The following HOOK1 variants were observed in gnomAD, a reference collection of about 807,000 sequenced individuals.
The protein encoded by HOOK1 is hook microtubule tethering protein 1, also known as protein Hook homolog 1.
Under a neutral mutation model 112.8 loss-of-function variants are expected in HOOK1, and 60 were observed. The observed-to-expected ratio is 0.53, with a 90% confidence interval of 0.43 to 0.66. The LOEUF is 0.66. HOOK1 is among the 30% of genes least tolerant of loss of function. The pLI is 0.00. For missense variants in HOOK1, 770 were observed against 856.0 expected, an observed-to-expected ratio of 0.90 and a Z score of 1.25; for synonymous variants, 294 against 283.8, an observed-to-expected ratio of 1.04 and a Z score of -0.36.
chr1:59,815,092 C>G lies in HOOK1; in HGVS notation c.-26C>G. ...GTAGGAGGGAGTGTGAAGGTGTCCG[C>G]GGCGTCGTCGACGGCGGCGCCGGCC... On this transcript the variant is annotated 5_prime_UTR_variant, in exon 1 of 22. Coordinates refer to ENST00000371208, the MANE Select transcript of HOOK1 (RefSeq NM_015888.6). 6.5e-7 allele frequency: 1 copy of G among 1,537,570 alleles called. No homozygotes were observed. Among genetic ancestry groups the G allele is most frequent in the Non-Finnish European group, 8.7e-7 (1 of 1,145,760 alleles).
intron 4 of HOOK1, 146 bp downstream of exon 4, chr1:59,832,359 A>G: frequency 1.7e-6 from 1 of 583,056 alleles, no homozygotes; most frequent in Non-Finnish European, 3.0e-6. Flanking sequence ...TTTTTATAGA[A>G]TGCTCATTTG....
At chr1:59,864,084 G>A (rs951768328) in intron 16 of HOOK1, among the ~76,000 whole-genome samples, 2 of 151,810 alleles carry the variant, frequency 1.3e-5, no homozygotes, top group African/African-American at 2.4e-5. Context: ...GCAATTTAAA[G>A]TACTGTTTTT....
chr1:59,862,687 A>T (rs902540571), intron 15 of HOOK1, 97 bp from the exon 16 acceptor site: 24 of 698,710 alleles, frequency 3.4e-5, no homozygotes, highest in Non-Finnish European at 5.8e-5. Context: ...CTATAAAAAT[A>T]TTTTTTACTT....
At chr1:59,835,139 A>G (rs1478297138) in intron 5 of HOOK1, among the ~76,000 whole-genome samples, 1 of 152,176 alleles carries the variant, frequency 6.6e-6, no homozygotes, top group Non-Finnish European at 1.5e-5. Flanking sequence ...GACTGCAACA[A>G]TCTCAATCTT....
At chr1:59,868,191 T>C (rs2102075023) in intron 19 of HOOK1, 59 bp from the exon 20 acceptor site, 1 of 904,972 alleles carries the variant, frequency 1.1e-6, no homozygotes, top group East Asian at 2.7e-5. Context: ...TAAGATATGT[T>C]CTATATGTTT....
intron 2 of HOOK1, among the ~76,000 whole-genome samples, chr1:59,826,080 AG>A (rs965376371): frequency 7.9e-4 from 120 of 152,326 alleles, no homozygotes; most frequent in African/African-American, 2.7e-3. Flanking sequence ...TATAGTAACT[AG>A]TAGGTATTTC....
intron 8 of HOOK1, among the ~76,000 whole-genome samples, chr1:59,841,102 A>G (rs894598971): frequency 6.6e-6 from 1 of 152,138 alleles, no homozygotes; most frequent in Non-Finnish European, 1.5e-5. Flanking sequence ...GAGTTCATAT[A>G]TATAGCACTT....
chr1:59,865,058 A>ATTCCCATTT (rs1490203229), intron 17 of HOOK1, 105 bp from the exon 18 acceptor site: 1 of 719,894 alleles, frequency 1.4e-6, no homozygotes, highest in Non-Finnish European at 2.5e-6. Flanking sequence ...TGCAGATAGT[A>ATTCCCATTT]TTCCCATTTC....
chr1:59,834,661 G>C (rs921446772), intron 5 of HOOK1, among the ~76,000 whole-genome samples: 1 of 151,824 alleles, frequency 6.6e-6, no homozygotes, highest in African/African-American at 2.4e-5. Context: ...GTAATTTTTT[G>C]TTGTAATCGT....
intron 15 of HOOK1, among the ~76,000 whole-genome samples, 167 bp from the exon 16 acceptor site, chr1:59,862,617 G>A (rs149127197): frequency 2.6e-4 from 39 of 152,248 alleles, no homozygotes; most frequent in African/African-American, 8.9e-4. Context: ...TTTCTTAGAA[G>A]TAGCCTGCCC....
intron 2 of HOOK1, among the ~76,000 whole-genome samples, chr1:59,826,627 C>A (rs951710877): frequency 6.6e-6 from 1 of 152,172 alleles, no homozygotes; most frequent in Admixed American, 6.5e-5. Context: ...AGCATAGAAT[C>A]ACATACTTGG....
Position 59,874,465 on chromosome 1 carries a change from A to G in HOOK1, c.*1500A>G, listed in dbSNP as rs1407865728. On this transcript the variant is annotated 3_prime_UTR_variant, in exon 22 of 22. Transcript: ENST00000371208. ...GTTAATCATTTCAGTGCTGTTCAAC[A>G]TACATACCTATCAGCAGTGTGTTTA... 6.6e-6 allele frequency: 1 copy of G among 152,220 alleles called. No individual in the cohort carries two copies. The allele number at this position is 152,220 out of a possible 1,614,324, so 9.4% of individuals were successfully genotyped here. A position where few individuals can be genotyped will look rare whatever the true frequency, so the allele number is the denominator to read the frequency against.
intron 6 of HOOK1, among the ~76,000 whole-genome samples, chr1:59,836,025 A>G (rs902496093): frequency 2.0e-5 from 3 of 152,156 alleles, no homozygotes; most frequent in African/African-American, 7.2e-5. Context: ...TGACCAGAAC[A>G]GTCTCTGACC....
In HOOK1 at chr1:59,843,608, T is replaced by C; in HGVS notation, c.788+10T>C. On this transcript the variant is annotated intron_variant, in intron 9 of 21. Transcript: ENST00000371208. ...AGGAAGAAAACTTCAGGTAGCATTT[T>C]TAATGGAAATCATTTTATGGAGTTC... 6.3e-7 allele frequency: 1 copy of C among 1,589,656 alleles called. No individual in the cohort carries two copies. Among genetic ancestry groups the C allele is most frequent in the Non-Finnish European group, 8.6e-7 (1 of 1,167,422 alleles).
At chr1:59,868,666 A>C (rs550891688) in intron 20 of HOOK1, among the ~76,000 whole-genome samples, 1 of 152,208 alleles carries the variant, frequency 6.6e-6, no homozygotes, top group Non-Finnish European at 1.5e-5. Context: ...ATATGATTTC[A>C]TCTGGGGGAT....
rs1030072203 is a variant in HOOK1 at position 59,849,198 on chromosome 1, A to G, written c.1242+15A>G. ...AGGAAAAAGAGGTAAACATAGATAT[A>G]ATTGATAAGGAATATTTCATTGTTC... is the stretch of plus-strand genomic sequence containing the variant. On this transcript the variant is annotated intron_variant, in intron 12 of 21. Transcript: ENST00000371208. 2 of 1,493,412 alleles carry G rather than the reference A, an allele frequency of 1.3e-6. No individual in the cohort carries two copies. The highest frequency in any genetic ancestry group is 9.3e-7 in the Non-Finnish European group (1 of 1,077,198). The allele number at this position is 1,493,412 out of a possible 1,614,324, so 92.5% of individuals were successfully genotyped here. A position where few individuals can be genotyped will look rare whatever the true frequency, so the allele number is the denominator to read the frequency against.
chr1:59,854,002 AT>A (rs2098408689), intron 12 of HOOK1, among the ~76,000 whole-genome samples: 1 of 7,664 alleles, frequency 1.3e-4, no homozygotes, highest in Non-Finnish European at 2.2e-4. Context: ...TTAATCTTAA[AT>A]ATATATATAT....
At chr1:59,854,587 C>G (rs905814080) in intron 12 of HOOK1, among the ~76,000 whole-genome samples, 1 of 151,816 alleles carries the variant, frequency 6.6e-6, no homozygotes, top group East Asian at 1.9e-4. Flanking sequence ...GTTTGACAGT[C>G]TTTTTCTTTT....
At chr1:59,859,747 A>G (rs530031368) in intron 14 of HOOK1, among the ~76,000 whole-genome samples, 1 of 152,164 alleles carries the variant, frequency 6.6e-6, no homozygotes, top group South Asian at 2.1e-4. Context: ...TATTGCCATT[A>G]TAAGGTATAT....
Sources: gnomAD v4.1 joint callset for allele counts (sites outside exome capture counted in the v4.1 genomes callset) on GRCh38, gnomAD v4.1.1 for gene constraint, MANE v1.5 for transcripts, NCBI Gene and HGNC (gene_info 2026-07-23, HGNC 2026-07-21) for gene names.